PCBP3: variants seen among roughly 807,000 people sequenced by gnomAD.
PCBP3 encodes the protein poly(rC) binding protein 3.
In PCBP3, 25 loss-of-function variants were observed where a neutral mutation model predicts 52.7. The observed-to-expected ratio is 0.47, with a 90% CI of 0.35 to 0.66. PCBP3 has a LOEUF of 0.66. PCBP3 is among the 30% of genes least tolerant of loss of function. PCBP3 has a pLI of 0.01. For synonymous variants in PCBP3, 162 were observed against 183.0 expected (o/e 0.89, Z 0.93); for missense variants, 391 against 490.3 (o/e 0.80, Z 1.91).
chr21:45,717,428 C>G (rs1406573207), intron 2 of PCBP3, among the ~76,000 whole-genome samples: 1 of 152,154 alleles, frequency 6.6e-6, no homozygotes, highest in Admixed American at 6.5e-5. Flanking sequence ...AGGGGAAAAG[C>G]TTTCAATCTT....
At position 45,800,378 on chromosome 21, in the gene PCBP3, C is replaced by G. The variant is rs2092248752; in HGVS notation, c.-126+44926C>G. On this transcript the variant is annotated intron_variant, in intron 4 of 17. Coordinates refer to ENST00000681687, the MANE Select transcript of PCBP3 (RefSeq NM_001384156.1). The surrounding 1 kb of genome is among the most constrained non-coding windows in gnomAD (Gnocchi z 5.3). Reference sequence around the variant, plus strand: ...CTTCTGTGAAGTGCAGATGATGTCGCCTTTGTAGACAAAGGAAGAGACCTT... The same window carrying G: ...CTTCTGTGAAGTGCAGATGATGTCGGCTTTGTAGACAAAGGAAGAGACCTT... Among the ~76,000 whole-genome samples the G allele has an allele frequency of 6.6e-6, 1 of 152,170 alleles. No individual in the cohort carries two copies. Among genetic ancestry groups the G allele is most frequent in the Non-Finnish European group, 1.5e-5 (1 of 68,022 alleles).
chr21:45,654,263 G>C (rs1349458968), intron 1 of PCBP3, among the ~76,000 whole-genome samples: 1 of 151,640 alleles, frequency 6.6e-6, no homozygotes, highest in Non-Finnish European at 1.5e-5. Context: ...AACTTATTCT[G>C]GGATGATTTC....
In PCBP3 at chr21:45,802,610, G is replaced by T. The variant is rs1603433996; in HGVS notation, c.-126+47158G>T. Among the ~76,000 whole-genome samples, 1 of 152,180 alleles carries T rather than the reference G, an allele frequency of 6.6e-6. No individual in the cohort carries two copies. Among genetic ancestry groups the T allele is most frequent in the East Asian group, 1.9e-4 (1 of 5,184 alleles). On this transcript the variant is annotated intron_variant, in intron 4 of 17. Transcript: ENST00000681687. The surrounding 1 kb of genome is among the most constrained non-coding windows in gnomAD (Gnocchi z 5.1). ...ACAGGCTGACGGAGGAGGAGGACCGGGCTGGGGGAGGATGGTGGGGCTCTA... is the reference window on the plus strand; with the variant it reads ...ACAGGCTGACGGAGGAGGAGGACCGTGCTGGGGGAGGATGGTGGGGCTCTA...
chr21:45,672,310 TC>T (rs1047308337), intron 2 of PCBP3, among the ~76,000 whole-genome samples: 39 of 152,238 alleles, frequency 2.6e-4, no homozygotes, highest in African/African-American at 9.4e-4. Flanking sequence ...AAATTCCTTT[TC>T]CTTATAAATT....
chr21:45,714,256 T>G (rs2084060606), intron 2 of PCBP3, among the ~76,000 whole-genome samples: 1 of 152,254 alleles, frequency 6.6e-6, no homozygotes, highest in Non-Finnish European at 1.5e-5. Context: ...TCAGTGCTTA[T>G]TTGACATTTC....
chr21:45,729,598 G>A (rs2085306773), intron 2 of PCBP3, among the ~76,000 whole-genome samples: 1 of 151,964 alleles, frequency 6.6e-6, no homozygotes, highest in Non-Finnish European at 1.5e-5. Flanking sequence ...GGTGTGAAGT[G>A]GTATCACATT....
chr21:45,753,276 A>G (rs772456720), intron 3 of PCBP3, among the ~76,000 whole-genome samples: 2 of 151,864 alleles, frequency 1.3e-5, no homozygotes, highest in African/African-American at 2.4e-5. Flanking sequence ...TCTTAGGTCT[A>G]CGTAAGTTTA....
chr21:45,937,909 GCT>G (rs1204056785), intron 16 of PCBP3, among the ~76,000 whole-genome samples: 2 of 152,258 alleles, frequency 1.3e-5, no homozygotes, highest in African/African-American at 4.8e-5. Context: ...GCATGCCCTG[GCT>G]GCTCAATGAT....
chr21:45,927,276 T>TGTCC (rs2075550115), intron 13 of PCBP3, among the ~76,000 whole-genome samples: 3 of 91,208 alleles, frequency 3.3e-5, no homozygotes, highest in African/African-American at 4.6e-5. Context: ...CCTACCCTCC[T>TGTCC]CTCCCTCCCT....
chr21:45,740,103 C>G (rs1444089204), intron 3 of PCBP3, among the ~76,000 whole-genome samples: 17 of 147,276 alleles, frequency 1.2e-4, no homozygotes, highest in Admixed American at 1.1e-3. Flanking sequence ...CAGCTGGCGT[C>G]TATGCCTCAG....
intron 2 of PCBP3, among the ~76,000 whole-genome samples, chr21:45,696,546 A>G (rs570412618): frequency 6.6e-6 from 1 of 152,324 alleles, no homozygotes; most frequent in South Asian, 2.1e-4. Flanking sequence ...TAATCCCAGC[A>G]CTTTGGGAGG....
At chr21:45,793,145 C>T (rs1341905852) in intron 4 of PCBP3, among the ~76,000 whole-genome samples, 2 of 152,152 alleles carry the variant, frequency 1.3e-5, no homozygotes, top group East Asian at 3.9e-4. Context: ...GACGTGGGGC[C>T]GCCTTCCGGA....
At chr21:45,940,230 G>T (rs146433267) in intron 17 of PCBP3, 31 bp downstream of exon 17, 10 of 1,580,846 alleles carry the variant, frequency 6.3e-6, no homozygotes, top group African/African-American at 1.4e-5. Context: ...TCTGAGAGAC[G>T]CCCGGAAAGG....
chr21:45,682,551 G>C (rs2081916103), intron 2 of PCBP3, among the ~76,000 whole-genome samples: 1 of 152,180 alleles, frequency 6.6e-6, no homozygotes, highest in African/African-American at 2.4e-5. Flanking sequence ...TATGGCCATA[G>C]AGTGATAGCA....
chr21:45,874,499 T>G (rs1200445797), intron 5 of PCBP3, among the ~76,000 whole-genome samples: 2 of 150,754 alleles, frequency 1.3e-5, no homozygotes, highest in African/African-American at 2.4e-5. Context: ...ATCTTCTTCT[T>G]CTTTTCTTTT....
At chr21:45,672,643 G>A (rs2081243702) in intron 2 of PCBP3, among the ~76,000 whole-genome samples, 1 of 151,982 alleles carries the variant, frequency 6.6e-6, no homozygotes, top group Non-Finnish European at 1.5e-5. Context: ...CCCTACCCAG[G>A]GTATCTTGAG....
At chr21:45,868,464 T>C (rs1313541900) in intron 5 of PCBP3, among the ~76,000 whole-genome samples, 2 of 137,970 alleles carry the variant, frequency 1.4e-5, no homozygotes, top group African/African-American at 2.7e-5. Flanking sequence ...TTACAGTCAA[T>C]AAAAGCCACA....
chr21:45,758,986 TG>T (rs1204458322), intron 4 of PCBP3, among the ~76,000 whole-genome samples: 1 of 152,234 alleles, frequency 6.6e-6, no homozygotes, highest in African/African-American at 2.4e-5. Flanking sequence ...ATCTATATAA[TG>T]GCAAATTACT....
rs1045145125 is a variant in PCBP3, at chr21:45,737,756, T to C, written c.-162+2327T>C. 3.3e-5 allele frequency among the ~76,000 whole-genome samples: 5 copies of C among 152,162 alleles called. No individual in the cohort carries two copies. The highest frequency in any genetic ancestry group is 1.2e-4 in the African/African-American group (5 of 41,446). Reference sequence around the variant, plus strand: ...CTGTGGCCTCTTCTGCTGGTGGGAATGGAGGTGCCATGAGCACTGAGCTGG... The same window carrying C: ...CTGTGGCCTCTTCTGCTGGTGGGAACGGAGGTGCCATGAGCACTGAGCTGG... On this transcript the variant is annotated intron_variant, in intron 3 of 17. Coordinates refer to ENST00000681687, the MANE Select transcript of PCBP3 (RefSeq NM_001384156.1). This position sits in a 1 kb window ranked among gnomAD's most constrained non-coding sequence, Gnocchi z 4.9.
Sources: allele counts gnomAD v4.1 joint callset (sites outside exome capture counted in the v4.1 genomes callset), GRCh38; gene constraint gnomAD v4.1.1; non-coding constraint Gnocchi (gnomAD v3.1); transcripts MANE v1.5; gene names NCBI Gene and HGNC (gene_info 2026-07-23, HGNC 2026-07-21).